The following SPATA1 variants were observed in gnomAD, a reference collection of about 807,000 sequenced individuals.
SPATA1 encodes spermatogenesis associated 1, also known as spermatogenesis-associated protein 1.
In SPATA1, 57 loss-of-function variants were observed where a neutral mutation model predicts 59.6. The observed-to-expected ratio is 0.96, with a 90% CI of 0.77 to 1.19. The LOEUF (loss-of-function observed/expected upper bound fraction) is 1.19, where lower values mean the gene tolerates loss of function less well. Ranked by LOEUF, SPATA1 falls within the 50% of genes most tolerant of loss-of-function variation. The probability of loss-of-function intolerance (pLI) is 0.00; values close to 1 mark genes in which losing one functional copy is unlikely to be tolerated. For missense variants in SPATA1, 448 were observed against 480.7 expected (o/e 0.93, Z 0.64); for synonymous variants, 147 against 163.9 (o/e 0.90, Z 0.79).
chr1:84,550,571 T>C, intron 12 of SPATA1, 41 bp downstream of exon 12: 3 of 1,458,656 alleles, frequency 2.1e-6, no homozygotes, highest in Non-Finnish European at 2.7e-6. Context: ...ATAACATTTA[T>C]CTTGAAATAA....
chr1:84,554,940 A>G, downstream of SPATA1: 3 of 1,357,886 alleles, frequency 2.2e-6, no homozygotes, highest in South Asian at 3.8e-5. Flanking sequence ...AAAATGCAAG[A>G]AACTAGATCT....
chr1:84,551,485 T>C (rs1425452328), intron 12 of SPATA1: 2 of 169,986 alleles, frequency 1.2e-5, no homozygotes, highest in African/African-American at 4.8e-5. Flanking sequence ...TAGCCACCTA[T>C]TGATATTGAG....
chr1:84,550,397 T>C (rs1404573072), intron 11 of SPATA1, 35 bp from the exon 12 acceptor site: 1 of 1,127,534 alleles, frequency 8.9e-7, no homozygotes, highest in Non-Finnish European at 1.2e-6. Context: ...AATGTTTATA[T>C]GTTATACTAA....
At chr1:84,510,495 A>C (rs1262206667) in intron 1 of SPATA1, among the ~76,000 whole-genome samples, 1 of 152,240 alleles carries the variant, frequency 6.6e-6, no homozygotes, top group East Asian at 1.9e-4. Flanking sequence ...TTTTATGCAA[A>C]AGATAGACAA....
downstream of SPATA1, chr1:84,555,297 G>A: frequency 5.6e-6 from 5 of 889,012 alleles, no homozygotes; most frequent in East Asian, 2.8e-5. Context: ...ACAGTAAGAG[G>A]GAAAAAAGTT....
Position 84,551,225 on chromosome 1 carries a change from G to A in SPATA1, c.1224+695G>A, listed in dbSNP as rs537994360. ...CACAGCAAGGCAGGAAAATGAGAAC[G>A]ATAATTATATGAATGCTCTCATTTC... On this transcript the variant is annotated intron_variant, in intron 12 of 12. Coordinates refer to ENST00000490879, the Ensembl canonical transcript of SPATA1. 264 of 985,026 alleles carry A rather than the reference G, an allele frequency of 2.7e-4. No homozygotes were observed. In the Middle Eastern group the frequency reaches 3.7e-3, roughly 14 times the overall value. 61.0% of individuals were successfully genotyped at this position (985,026 alleles called of 1,614,324 possible).
exon 5 of SPATA1, chr1:84,565,877 C>A: frequency 6.3e-7 from 1 of 1,576,072 alleles, no homozygotes; most frequent in South Asian, 1.2e-5. Flanking sequence ...TTGGCTGCTG[C>A]AATACATTCT....
intron 4 of SPATA1, 85 bp from the exon 5 acceptor site, chr1:84,525,611 T>A: frequency 9.1e-7 from 1 of 1,101,808 alleles, no homozygotes; most frequent in South Asian, 1.6e-5. Context: ...CACAAATACA[T>A]GCCTTCTGCA....
At chr1:84,546,809 G>A (rs1558611958) in intron 10 of SPATA1, among the ~76,000 whole-genome samples, 1 of 152,124 alleles carries the variant, frequency 6.6e-6, no homozygotes, top group Non-Finnish European at 1.5e-5. Context: ...ATGTGTGTGT[G>A]TGTGCCTTGC....
At chr1:84,535,669 A>G (rs1382040145) in intron 8 of SPATA1, among the ~76,000 whole-genome samples, 1 of 151,632 alleles carries the variant, frequency 6.6e-6, no homozygotes, top group Non-Finnish European at 1.5e-5. Context: ...TTATACATTG[A>G]ACTCATCTAT....
chr1:84,546,614 A>C (rs2102002556), intron 10 of SPATA1, among the ~76,000 whole-genome samples: 1 of 151,886 alleles, frequency 6.6e-6, no homozygotes, highest in Non-Finnish European at 1.5e-5. Context: ...TCTGAAGTAC[A>C]CTCTTGGTTC....
At chr1:84,523,249 T>A (rs996004284) in intron 4 of SPATA1, among the ~76,000 whole-genome samples, 9 of 152,174 alleles carry the variant, frequency 5.9e-5, no homozygotes, top group Admixed American at 2.6e-4. Context: ...GTAGTTTCTA[T>A]GACTTAGTGG....
At chr1:84,535,217 A>G (rs1344963952) in intron 8 of SPATA1, among the ~76,000 whole-genome samples, 2 of 152,126 alleles carry the variant, frequency 1.3e-5, no homozygotes, top group African/African-American at 4.8e-5. Context: ...CCTTACGCCA[A>G]TACCACATTA....
intron 1 of SPATA1, among the ~76,000 whole-genome samples, chr1:84,508,322 C>G (rs890941583): frequency 6.6e-6 from 1 of 151,686 alleles, no homozygotes; most frequent in African/African-American, 2.4e-5. Flanking sequence ...ACTTTAAGTT[C>G]AGTTGCATCT....
chr1:84,539,273 G>A (rs1683824650), intron 8 of SPATA1, among the ~76,000 whole-genome samples: 1 of 152,132 alleles, frequency 6.6e-6, no homozygotes, highest in Admixed American at 6.5e-5. Flanking sequence ...TATTGTTGCT[G>A]GATACTTTTA....
chr1:84,520,103 G>C (rs1316401563), intron 2 of SPATA1: 2 of 152,258 alleles, frequency 1.3e-5, no homozygotes, highest in Admixed American at 1.3e-4. Flanking sequence ...TGGAATTCTG[G>C]GGAATAAGTA....
chr1:84,509,663 A>G (rs1220284916), intron 1 of SPATA1, among the ~76,000 whole-genome samples: 1 of 152,142 alleles, frequency 6.6e-6, no homozygotes, highest in Non-Finnish European at 1.5e-5. Context: ...CTACTTGGGA[A>G]GCTGAGGCAG....
At chr1:84,540,112 T>G (rs1419917936) in intron 8 of SPATA1, among the ~76,000 whole-genome samples, 1 of 152,188 alleles carries the variant, frequency 6.6e-6, no homozygotes, top group Non-Finnish European at 1.5e-5. Context: ...TGAGTCACTT[T>G]GTTTTAGATG....
At chr1:84,547,376 A>G (rs1684125425) in intron 10 of SPATA1, among the ~76,000 whole-genome samples, 1 of 152,206 alleles carries the variant, frequency 6.6e-6, no homozygotes, top group Non-Finnish European at 1.5e-5. Context: ...GCCATAAAAT[A>G]TTTATTGAGC....
Sources: gnomAD v4.1 joint callset for allele counts (sites outside exome capture counted in the v4.1 genomes callset) on GRCh38, gnomAD v4.1.1 for gene constraint, MANE v1.5 for transcripts, NCBI Gene and HGNC (gene_info 2026-07-23, HGNC 2026-07-21) for gene names.